ADAMTS17: variants seen among roughly 807,000 people sequenced by gnomAD.
The protein encoded by ADAMTS17 is A disintegrin and metalloproteinase with thrombospondin motifs 17.
In ADAMTS17, 113 loss-of-function variants were observed where a neutral mutation model predicts 141.5. That is an observed-to-expected ratio of 0.80 (90% CI 0.69 to 0.93). ADAMTS17 has a LOEUF of 0.93. Ranked by LOEUF, ADAMTS17 falls within the 40% of genes least tolerant of loss-of-function variation. The probability of loss-of-function intolerance (pLI) is 0.00; values close to 1 mark genes in which losing one functional copy is unlikely to be tolerated. For synonymous variants in ADAMTS17, 768 were observed against 630.6 expected (o/e 1.22, Z -3.27); for missense variants, 1,659 against 1,517.9 (o/e 1.09, Z -1.54).
At chr15:100,014,901 T>C (rs2061257495) in intron 18 of ADAMTS17, among the ~76,000 whole-genome samples, 1 of 152,208 alleles carries the variant, frequency 6.6e-6, no homozygotes, top group African/African-American at 2.4e-5. Flanking sequence ...ATAGCTTAAA[T>C]CTATTATTTC....
intron 3 of ADAMTS17, among the ~76,000 whole-genome samples, chr15:100,314,288 C>T (rs28411867): frequency 0.19 from 28,582 of 152,162 alleles, 2,922 homozygotes; most frequent in East Asian, 0.32. Flanking sequence ...AAAGACATTA[C>T]TGTGACAACT....
Position 100,276,451 on chromosome 15 carries a change from G to T in ADAMTS17, c.789+4778C>A, listed in dbSNP as rs182591235. Among the ~76,000 whole-genome samples, 149 of 45,988 alleles carry T rather than the reference G, an allele frequency of 3.2e-3. 4 individuals carry two copies. The highest frequency in any genetic ancestry group is 0.014 in the East Asian group (15 of 1,044). 30.2% of individuals were successfully genotyped at this position (45,988 alleles called of 152,430 possible). A position where few individuals can be genotyped will look rare whatever the true frequency, so the allele number is the denominator to read the frequency against. On this transcript the variant is annotated intron_variant, in intron 4 of 21. Transcript: ENST00000268070. ...GGTGCCTGGTGGGAGGGTGGGAGGG[G>T]GTGGGTGCCTGGTGGGAGGGAGTGG...
intron 8 of ADAMTS17, among the ~76,000 whole-genome samples, chr15:100,167,718 C>T (rs185440373): frequency 1.3e-5 from 2 of 152,204 alleles, no homozygotes; most frequent in East Asian, 1.9e-4. Context: ...TCATCTGCTA[C>T]AAAAGCGCGT....
intron 8 of ADAMTS17, among the ~76,000 whole-genome samples, chr15:100,185,016 G>A (rs185260338): frequency 9.1e-4 from 138 of 152,304 alleles, no homozygotes; most frequent in African/African-American, 3.3e-3. Context: ...CCTGGGCCAA[G>A]AGCGCCTGCC....
chr15:100,225,040 C>T (rs1262796880), intron 7 of ADAMTS17, among the ~76,000 whole-genome samples: 2 of 152,220 alleles, frequency 1.3e-5, no homozygotes, highest in African/African-American at 4.8e-5. Flanking sequence ...CCAAGTCCTC[C>T]CTGTTACTCA....
At chr15:100,108,914 T>C in intron 14 of ADAMTS17, 75 bp downstream of exon 14, 1 of 1,607,828 alleles carries the variant, frequency 6.2e-7, no homozygotes, top group Non-Finnish European at 8.5e-7. Context: ...ACCTCTGCTC[T>C]ACCCCACTCC....
intron 3 of ADAMTS17, among the ~76,000 whole-genome samples, chr15:100,304,236 A>T (rs1353920197): frequency 1.2e-4 from 18 of 152,048 alleles, no homozygotes; most frequent in African/African-American, 4.4e-4. Context: ...CTTAGGGCAC[A>T]ACCCCTTCTC....
intron 21 of ADAMTS17, among the ~76,000 whole-genome samples, chr15:99,975,246 G>C (rs2141258360): frequency 6.6e-6 from 1 of 152,346 alleles, no homozygotes; most frequent in South Asian, 2.1e-4. Context: ...GTCTTACTCT[G>C]TTGCCCAGGC....
At chr15:100,211,139 T>TAAAAAAAA (rs1555483888) in intron 7 of ADAMTS17, among the ~76,000 whole-genome samples, 2 of 141,316 alleles carry the variant, frequency 1.4e-5, no homozygotes, top group Admixed American at 6.8e-5. Context: ...AATAAATAAA[T>TAAAAAAAA]AAAAATACAA....
chr15:100,341,467 C>T (rs1651511181), intron 1 of ADAMTS17, 58 bp from the exon 2 acceptor site: 17 of 1,005,704 alleles, frequency 1.7e-5, no homozygotes, highest in Non-Finnish European at 2.0e-5. Context: ...GCCCGCCCTC[C>T]CGCTGGCCGC....
intron 2 of ADAMTS17, chr15:100,339,270 A>G (rs2046294250): frequency 1.5e-6 from 1 of 653,844 alleles, no homozygotes; most frequent in Non-Finnish European, 1.9e-6. Flanking sequence ...AGGATTTTAA[A>G]TCAATGTTAT....
rs775852333 is a variant in ADAMTS17, at chr15:100,109,020, T to C, written c.1985A>G (p.Glu662Gly). Residue 662 changes from glutamate to glycine, a missense_variant, in exon 14 of 22, where the codon GAG (glutamate) becomes GGG (glycine). Transcript: ENST00000268070. ...VLDGTPCGPY[E>G]TDLCVHGKCQ... ...CTTGCCGTGCACGCAGAGATCAGTCTCGTAGGGCCCGCAGGGTGTACCGTC... is the reference window on the plus strand; with the variant it reads ...CTTGCCGTGCACGCAGAGATCAGTCCCGTAGGGCCCGCAGGGTGTACCGTC... 87 of 1,613,950 alleles carry C rather than the reference T, an allele frequency of 5.4e-5. No individual in the cohort carries two copies. Among genetic ancestry groups the C allele is most frequent in the Non-Finnish European group, 7.3e-5 (86 of 1,180,018 alleles).
chr15:100,302,626 C>T (rs1295912454), intron 3 of ADAMTS17, among the ~76,000 whole-genome samples: 1 of 152,160 alleles, frequency 6.6e-6, no homozygotes, highest in East Asian at 1.9e-4. Context: ...TTTTGATTTG[C>T]ATTTCCCTGA....
chr15:100,122,783 G>A (rs983281432), intron 12 of ADAMTS17, among the ~76,000 whole-genome samples: 2 of 152,082 alleles, frequency 1.3e-5, no homozygotes, highest in African/African-American at 4.8e-5. Context: ...CATCATAAAG[G>A]CCTTCCTCCT....
intron 4 of ADAMTS17, among the ~76,000 whole-genome samples, chr15:100,262,808 AAAG>A (rs2043575467): frequency 6.6e-6 from 1 of 151,618 alleles, no homozygotes; most frequent in Admixed American, 6.6e-5. Flanking sequence ...CAAAAAACCT[AAAG>A]AATAATTATG....
intron 3 of ADAMTS17, among the ~76,000 whole-genome samples, chr15:100,307,633 T>G (rs529767289): frequency 2.0e-4 from 30 of 152,328 alleles, no homozygotes; most frequent in African/African-American, 6.5e-4. Flanking sequence ...TGCCCCTTCA[T>G]GTTTATCCAG....
At chr15:100,204,570 AAACT>A (rs1435843306) in intron 7 of ADAMTS17, among the ~76,000 whole-genome samples, 2 of 152,254 alleles carry the variant, frequency 1.3e-5, no homozygotes, top group African/African-American at 4.8e-5. Flanking sequence ...TGACAAAGGA[AAACT>A]AACTACAAAG....
At chr15:100,258,410 A>G (rs1478403470) in intron 6 of ADAMTS17, among the ~76,000 whole-genome samples, 1 of 152,168 alleles carries the variant, frequency 6.6e-6, no homozygotes, top group Non-Finnish European at 1.5e-5. Flanking sequence ...GTATTAGTCC[A>G]TTTTCACACC....
chr15:100,286,001 T>G (rs2044433747), intron 3 of ADAMTS17, among the ~76,000 whole-genome samples: 1 of 152,124 alleles, frequency 6.6e-6, no homozygotes, highest in South Asian at 2.1e-4. Flanking sequence ...CAGCACAGCC[T>G]TCAATGCCCG....
Sources: allele counts gnomAD v4.1 joint callset (sites outside exome capture counted in the v4.1 genomes callset), GRCh38; gene constraint gnomAD v4.1.1; transcripts MANE v1.5; gene names NCBI Gene and HGNC (gene_info 2026-07-23, HGNC 2026-07-21).